MYO18A: variants seen among roughly 807,000 people sequenced by gnomAD.
The protein encoded by MYO18A is unconventional myosin-XVIIIa.
In MYO18A, 78 loss-of-function variants were observed where a neutral mutation model predicts 235.8. That is an observed-to-expected ratio of 0.33 (90% confidence interval 0.28 to 0.40). The LOEUF (loss-of-function observed/expected upper bound fraction) is 0.40. MYO18A is among the 10% of genes least tolerant of loss of function. The pLI, the probability that MYO18A is intolerant of heterozygous loss-of-function variation, is 1.00. For missense variants in MYO18A, 2,215 were observed against 2,699.3 expected (o/e 0.82, Z 3.98); for synonymous variants, 977 against 1,077.8 (o/e 0.91, Z 1.83).
rs142430455 is a variant in MYO18A, at chr17:29,154,121, T to TGTGTGTGTGTGCGCGC, written c.999+11820_999+11821insGCGCGCACACACACAC. Among the ~76,000 whole-genome samples, 77 of 149,102 alleles carry TGTGTGTGTGTGCGCGC rather than the reference T, an allele frequency of 5.2e-4. 1 individual carries two copies. The highest frequency in any genetic ancestry group is 4.6e-3 in the East Asian group (23 of 4,996). On this transcript the variant is annotated intron_variant, in intron 2 of 41. Transcript: ENST00000527372. ...TGCAGAGTGTGTGTGTGTGTGTGTG[T>TGTGTGTGTGTGCGCGC]GCGCGCGCGTGCGTGTGTATGTGGC...
At chr17:29,127,910 T>A (rs1284823865) in intron 2 of MYO18A, 15 of 994,232 alleles carry the variant, frequency 1.5e-5, no homozygotes, top group Admixed American at 5.8e-5. Flanking sequence ...GAGGTCTGAC[T>A]TCGGGCCGGT....
At chr17:29,128,420 G>T (rs774865205) in intron 2 of MYO18A, 6 of 1,289,390 alleles carry the variant, frequency 4.7e-6, no homozygotes, top group Non-Finnish European at 6.1e-6. Context: ...GGCAGCTCCC[G>T]GGCCGTTCAT....
Position 29,135,932 on chromosome 17 carries a change from C to T in MYO18A, c.1000-13679G>A, listed in dbSNP as rs531662664. 2.6e-5 allele frequency among the ~76,000 whole-genome samples: 4 copies of T among 152,308 alleles called. No individual in the cohort carries two copies. In the East Asian group the frequency reaches 7.7e-4, roughly 29 times the overall value. On this transcript the variant is annotated intron_variant, in intron 2 of 41. Transcript: ENST00000527372. ...TTCTCAATGCATGCCCATATCAAAA[C>T]AAAACATCTCATGGACCGGGCGTGG...
At chr17:29,159,352 A>G (rs1381730566) in intron 2 of MYO18A, among the ~76,000 whole-genome samples, 1 of 152,046 alleles carries the variant, frequency 6.6e-6, no homozygotes, top group African/African-American at 2.4e-5. Flanking sequence ...AAGGACTTAG[A>G]TAGGGTCCCT....
intron 12 of MYO18A, 51 bp downstream of exon 12, chr17:29,115,613 C>T (rs1299353189): frequency 6.5e-7 from 1 of 1,531,324 alleles, no homozygotes; most frequent in Non-Finnish European, 8.8e-7. Flanking sequence ...TGGCAGCAAG[C>T]CCCAGATGAG....
In MYO18A at chr17:29,166,449, C is replaced by T. The variant is rs1164741863; in HGVS notation, c.492G>A (p.Ser164=). The T allele has an allele frequency of 3.7e-6, 6 of 1,613,744 alleles. No individual in the cohort carries two copies. Among genetic ancestry groups the T allele is most frequent in the South Asian group, 2.2e-5 (2 of 91,082 alleles). ...STPSEHSAAP[S]PQVEVRTLEG... is the part of the protein sequence containing the mutation. ...CTAGAGTCCTCACCTCCACCTGTGG[C>T]GAGGGGGCGGCAGAGTGCTCTGAGG... Residue 164 remains serine, a synonymous_variant, in exon 2 of 42, where the codon TCG becomes TCA. Transcript: ENST00000527372.
chr17:29,165,441 C>G (rs149021031), intron 2 of MYO18A: 1 of 154,062 alleles, frequency 6.5e-6, no homozygotes, highest in African/African-American at 2.4e-5. Context: ...TAACCAACAG[C>G]AGAGCTCTCT....
In MYO18A at chr17:29,086,936, C is replaced by T; in HGVS notation, c.5712G>A (p.Leu1904=). Residue 1904 remains leucine (L), a splice_region_variant and synonymous_variant, in exon 38 of 42, where the codon CTG becomes CTA. Transcript: ENST00000527372. ...EAEASRKKHE[L]EMDLESLEAA... is the part of the protein sequence containing the mutation. ...CCCCGTGGGGGACAGGGGGCATTAC[C>T]AGTTCGTGCTTCTTGCGGCTCGCCT... is the stretch of plus-strand genomic sequence containing the variant. The T allele has an allele frequency of 6.2e-7, 1 of 1,611,650 alleles. No individual in the cohort carries two copies. Among genetic ancestry groups the T allele is most frequent in the Non-Finnish European group, 8.5e-7 (1 of 1,178,622 alleles).
rs564370108 is a variant in MYO18A, at chr17:29,130,299, C to CAAAAAAAAAA, written c.1000-8056_1000-8047dup. On this transcript the variant is annotated intron_variant, in intron 2 of 41. Coordinates refer to ENST00000527372, the MANE Select transcript of MYO18A (RefSeq NM_078471.4). ...TGGGTGACAGAGTAAAACCCTGTCT[C>CAAAAAAAAAA]AAAAAAAAAAAAAAAAAAAAAAAAG... 1.4e-3 allele frequency among the ~76,000 whole-genome samples: 80 copies of CAAAAAAAAAA among 55,888 alleles called. 1 individual carries two copies. Among genetic ancestry groups the CAAAAAAAAAA allele is most frequent in the Non-Finnish European group, 1.7e-3 (58 of 33,170 alleles). The allele number at this position is 55,888 out of a possible 152,430, so 36.7% of individuals were successfully genotyped here. A position where few individuals can be genotyped will look rare whatever the true frequency, so the allele number is the denominator to read the frequency against.
intron 2 of MYO18A, among the ~76,000 whole-genome samples, chr17:29,136,168 G>T (rs1227501786): frequency 6.7e-6 from 1 of 150,334 alleles, no homozygotes; most frequent in African/African-American, 2.5e-5. Context: ...GGCAGAGGTT[G>T]TAGTGAGCAG....
chr17:29,149,750 T>G (rs1293371956), intron 2 of MYO18A, among the ~76,000 whole-genome samples: 1 of 152,122 alleles, frequency 6.6e-6, no homozygotes, highest in Non-Finnish European at 1.5e-5. Flanking sequence ...ACTTCCAAAT[T>G]GCCTCTGCTT....
Position 29,118,627 on chromosome 17 carries a change from C to T in MYO18A, c.1830-187G>A, listed in dbSNP as rs2067129253. ...CTGGCCTGGATGCCTGGTTAGAGTA[C>T]CATTCTCCTGAGGACAAGCCACCAG... On this transcript the variant is annotated intron_variant, in intron 8 of 41. Coordinates refer to ENST00000527372, the MANE Select transcript of MYO18A (RefSeq NM_078471.4). This position sits in a 1 kb window ranked among gnomAD's most constrained non-coding sequence, Gnocchi z 4.2. Among the ~76,000 whole-genome samples, 1 of 152,222 alleles carries T rather than the reference C, an allele frequency of 6.6e-6. No homozygotes were observed.
Position 29,098,933 on chromosome 17 carries a change from T to G in MYO18A, c.3673A>C (p.Ile1225Leu). Residue 1225 changes from isoleucine (I) to leucine (L), a missense_variant, in exon 23 of 42, where the codon ATC becomes CTC. Ile to Leu is a conservative substitution (Grantham distance 5, BLOSUM62 2). Transcript: ENST00000527372. The stretch of plus-strand genomic sequence containing the variant: ...TCCTTCACCCCTTTGTTCTTCTTGA[T>G]GTTCTTCTGTACACAGCGAATGGCC... The part of the protein sequence containing the change: ...DLAIRCVQKN[I>L]KKNKGVKDWP... 1.2e-6 allele frequency: 2 copies of G among 1,613,814 alleles called. No individual in the cohort carries two copies. The highest frequency in any genetic ancestry group is 1.7e-6 in the Non-Finnish European group (2 of 1,179,860).
At chr17:29,141,953 GTTTTTT>G (rs1002270964) in intron 2 of MYO18A, among the ~76,000 whole-genome samples, 1 of 151,114 alleles carries the variant, frequency 6.6e-6, no homozygotes, top group Non-Finnish European at 1.5e-5. Context: ...TTTTGTTTTT[GTTTTTT>G]TTTGAGACGG....
In MYO18A at chr17:29,099,724, C is replaced by A. The variant is rs370961010; in HGVS notation, c.3546G>T (p.Glu1182Asp). Residue 1182 changes from glutamate to aspartate, a missense_variant, in exon 22 of 42, where the codon GAG becomes GAT. Glu to Asp is a conservative substitution (Grantham distance 45, BLOSUM62 2). Coordinates refer to ENST00000527372, the MANE Select transcript of MYO18A (RefSeq NM_078471.4). Reference sequence around the variant, plus strand: ...TCCTGCTGGTTTGTTCATCCCGCTGCTCCTCCAGCCGTGCCAAGGTGCCCG... The same window carrying A: ...TCCTGCTGGTTTGTTCATCCCGCTGATCCTCCAGCCGTGCCAAGGTGCCCG... ...FRAGTLARLE[E>D]QRDEQTSRNL... is the part of the protein sequence containing the mutation. The A allele has an allele frequency of 1.5e-5, 25 of 1,613,402 alleles. No homozygotes were observed. The highest frequency in any genetic ancestry group is 2.0e-5 in the Non-Finnish European group (24 of 1,179,878).
rs2068275663 is a variant in MYO18A, at chr17:29,166,074, C to T, written c.867G>A (p.Arg289=). The T allele has an allele frequency of 6.2e-7, 1 of 1,613,762 alleles. No individual in the cohort carries two copies. The highest frequency in any genetic ancestry group is 1.3e-5 in the African/African-American group (1 of 75,072). The change falls in exon 2 of 42, where the codon AGG becomes AGA. Residue 289 remains arginine (R), a synonymous_variant. Transcript: ENST00000527372. ...INGHNVESKS[R]DEIVEMIRQS... is the part of the protein sequence containing the mutation. ...GCCGGATCATCTCCACAATCTCATCCCTGGACTTGCTCTCCACATTGTGCC... is the reference window on the plus strand; with the variant it reads ...GCCGGATCATCTCCACAATCTCATCTCTGGACTTGCTCTCCACATTGTGCC...
At chr17:29,160,981 C>A (rs1749062838) in intron 2 of MYO18A, among the ~76,000 whole-genome samples, 1 of 152,126 alleles carries the variant, frequency 6.6e-6, no homozygotes, top group South Asian at 2.1e-4. Flanking sequence ...ACTTGGGAGG[C>A]CTGAGGCAGG....
intron 27 of MYO18A, 106 bp downstream of exon 27, chr17:29,097,117 C>A: frequency 6.6e-7 from 1 of 1,506,562 alleles, no homozygotes; most frequent in Non-Finnish European, 8.9e-7. Context: ...CTCCCCGATC[C>A]ATTCCAGCCA....
rs146239627 is a variant in MYO18A at position 29,076,901 on chromosome 17, C to T, written c.6021-1987G>A. ...AGATGCCAGGGCTGGAATCCAGATG[C>T]AAATGAGGTGCTGCTGGCGAGCTCC... On this transcript the variant is annotated intron_variant, in intron 41 of 41. Transcript: ENST00000527372. The T allele has an allele frequency of 6.0e-3, 910 of 152,388 alleles. 9 individuals are homozygous for T. Among genetic ancestry groups the T allele is most frequent in the Non-Finnish European group, 9.5e-3 (647 of 68,074 alleles). The allele number at this position is 152,388 out of a possible 1,614,324, so 9.4% of individuals were successfully genotyped here.
Sources: allele counts gnomAD v4.1 joint callset (sites outside exome capture counted in the v4.1 genomes callset), GRCh38; gene constraint gnomAD v4.1.1; non-coding constraint Gnocchi (gnomAD v3.1); transcripts MANE v1.5; gene names NCBI Gene and HGNC (gene_info 2026-07-23, HGNC 2026-07-21).